The following GLB1L2 variants were observed in gnomAD, a reference collection of about 807,000 sequenced individuals.
The protein encoded by GLB1L2 is beta-galactosidase-1-like protein 2.
Under a neutral mutation model 84.1 loss-of-function variants are expected in GLB1L2, and 68 were observed. That is an observed-to-expected ratio of 0.81 (90% CI 0.67 to 0.99). The LOEUF is 0.99. GLB1L2 is among the 50% of genes least tolerant of loss of function. The probability of loss-of-function intolerance (pLI) is 0.00; values close to 1 mark genes in which losing one functional copy is unlikely to be tolerated. For synonymous variants in GLB1L2, 290 were observed against 318.0 expected (o/e 0.91, Z 0.94); for missense variants, 762 against 805.6 (o/e 0.95, Z 0.66).
At chr11:134,350,451 C>G (rs1943609788) in intron 5 of GLB1L2, among the ~76,000 whole-genome samples, 1 of 152,186 alleles carries the variant, frequency 6.6e-6, no homozygotes, top group Non-Finnish European at 1.5e-5. Context: ...TCTCCCTTCC[C>G]CAAATGCACA....
At chr11:134,353,996 T>C (rs1188953693) in intron 5 of GLB1L2, among the ~76,000 whole-genome samples, 2 of 152,222 alleles carry the variant, frequency 1.3e-5, no homozygotes, top group African/African-American at 4.8e-5. Flanking sequence ...ATTCTGCCAA[T>C]GTATGTCTTT....
At chr11:134,337,341 G>T (rs1331839566) in intron 1 of GLB1L2, among the ~76,000 whole-genome samples, 1 of 152,214 alleles carries the variant, frequency 6.6e-6, no homozygotes, top group Non-Finnish European at 1.5e-5. Flanking sequence ...GCAAACAGGA[G>T]TCCAACACCT....
chr11:134,356,291 T>C lies in GLB1L2; in HGVS notation c.559-10T>C, dbSNP rs764748481. 1.2e-6 allele frequency: 2 copies of C among 1,612,480 alleles called. No individual in the cohort carries two copies. Among genetic ancestry groups the C allele is most frequent in the Non-Finnish European group, 1.7e-6 (2 of 1,178,572 alleles). ...CACTCAGCTCCTGGTTTTCTGTCTT[T>C]TCTCCGCAGTACAAGCGTGGGGGAC... is the stretch of plus-strand genomic sequence containing the variant. On this transcript the variant is annotated splice_polypyrimidine_tract_variant and intron_variant, in intron 5 of 18. Coordinates refer to ENST00000535456, the MANE Select transcript of GLB1L2 (RefSeq NM_001370461.1).
chr11:134,368,584 C>T, intron 9 of GLB1L2, 60 bp from the exon 10 acceptor site: 2 of 1,589,888 alleles, frequency 1.3e-6, no homozygotes, highest in Non-Finnish European at 8.6e-7. Flanking sequence ...AGTGAAGGGA[C>T]CCCGGCTCAT....
At chr11:134,367,938 C>G (rs867052321) in intron 9 of GLB1L2, among the ~76,000 whole-genome samples, 1 of 152,222 alleles carries the variant, frequency 6.6e-6, no homozygotes, top group East Asian at 1.9e-4. Context: ...CATCCCGGAG[C>G]CTGCGCTCTG....
At chr11:134,345,615 T>C (rs893574802) in intron 4 of GLB1L2, among the ~76,000 whole-genome samples, 1 of 152,102 alleles carries the variant, frequency 6.6e-6, no homozygotes, top group Non-Finnish European at 1.5e-5. Context: ...GGGTTACAGG[T>C]GTGTGCCACC....
At chr11:134,337,803 T>G (rs909099108) in intron 1 of GLB1L2, among the ~76,000 whole-genome samples, 2 of 151,694 alleles carry the variant, frequency 1.3e-5, no homozygotes, top group Non-Finnish European at 1.5e-5. Context: ...TGGAGGTGAG[T>G]GTTTTCTTGG....
chr11:134,366,426 T>G (rs1020741378), intron 8 of GLB1L2, among the ~76,000 whole-genome samples: 2 of 152,204 alleles, frequency 1.3e-5, no homozygotes, highest in Non-Finnish European at 2.9e-5. Context: ...GTATGCGGTA[T>G]CCCTCTAAAC....
At chr11:134,343,188 C>T (rs977299566) in intron 2 of GLB1L2, among the ~76,000 whole-genome samples, 5 of 152,132 alleles carry the variant, frequency 3.3e-5, no homozygotes, top group Non-Finnish European at 5.9e-5. Flanking sequence ...ATAGGGAAGG[C>T]GGTGAGTGCA....
intron 7 of GLB1L2, chr11:134,360,495 T>C (rs978494235): frequency 2.6e-5 from 4 of 152,302 alleles, no homozygotes; most frequent in South Asian, 2.1e-4. Flanking sequence ...GCTGTGGCTG[T>C]GTTGGGAGAC....
At chr11:134,336,585 A>G (rs958977281) in intron 1 of GLB1L2, among the ~76,000 whole-genome samples, 1 of 152,226 alleles carries the variant, frequency 6.6e-6, no homozygotes, top group African/African-American at 2.4e-5. Context: ...ACCGTAGGAT[A>G]GATTCATTTT....
intron 7 of GLB1L2, among the ~76,000 whole-genome samples, chr11:134,363,720 C>T (rs73589603): frequency 1.3e-3 from 200 of 152,266 alleles, no homozygotes; most frequent in African/African-American, 3.9e-3. Context: ...GGCTCTGGTT[C>T]GTACAAAAGA....
chr11:134,356,102 C>T (rs1309718343), intron 5 of GLB1L2, 199 bp from the exon 6 acceptor site: 1 of 688,074 alleles, frequency 1.5e-6, no homozygotes, highest in Non-Finnish European at 2.7e-6. Context: ...TTATTTTAGT[C>T]AGTCTGGAGT....
intron 8 of GLB1L2, among the ~76,000 whole-genome samples, chr11:134,366,471 G>A (rs1361238771): frequency 6.6e-6 from 1 of 152,150 alleles, no homozygotes; most frequent in Non-Finnish European, 1.5e-5. Context: ...TACTTGACAA[G>A]CTGTCACTGA....
intron 1 of GLB1L2, among the ~76,000 whole-genome samples, chr11:134,333,395 C>G (rs957902596): frequency 4.6e-5 from 7 of 152,302 alleles, no homozygotes; most frequent in Admixed American, 4.6e-4. Flanking sequence ...GCAAGGCTTA[C>G]GCAAACCCCA....
intron 5 of GLB1L2, among the ~76,000 whole-genome samples, chr11:134,349,750 G>A (rs962929848): frequency 2.6e-5 from 4 of 152,226 alleles, no homozygotes; most frequent in Non-Finnish European, 5.9e-5. Flanking sequence ...GTTTATTCAA[G>A]TCTTCTGCTC....
chr11:134,366,949 T>G, intron 8 of GLB1L2: 1 of 380,210 alleles, frequency 2.6e-6, no homozygotes. Flanking sequence ...AGGCAAAGCT[T>G]GGCTTGATCC....
At chr11:134,371,729 C>A in intron 14 of GLB1L2, 23 bp from the exon 15 acceptor site, 9 of 1,612,550 alleles carry the variant, frequency 5.6e-6, no homozygotes, top group Non-Finnish European at 7.6e-6. Context: ...TGACAGTCAT[C>A]GTTAGCCCCG....
At chr11:134,366,967 G>GT (rs1943874076) in intron 8 of GLB1L2, 1 of 424,198 alleles carries the variant, frequency 2.4e-6, no homozygotes. Flanking sequence ...TCCTGGACCA[G>GT]TGTCTTCTTG....
Sources: allele counts gnomAD v4.1 joint callset (sites outside exome capture counted in the v4.1 genomes callset), GRCh38; gene constraint gnomAD v4.1.1; transcripts MANE v1.5; gene names NCBI Gene and HGNC (gene_info 2026-07-23, HGNC 2026-07-21).